KCNQ5: variants seen among roughly 807,000 people sequenced by gnomAD.
The protein encoded by KCNQ5 is potassium voltage-gated channel subfamily KQT member 5.
KCNQ5 carries 30 observed loss-of-function variants against 98.2 expected under a neutral mutation model. The ratio of observed to expected loss-of-function variants is 0.31; its 90% confidence interval spans 0.23 to 0.41. KCNQ5 has a LOEUF of 0.41. Among genes scored for constraint, KCNQ5 ranks in the 10% least tolerant of loss-of-function variants. The pLI is 1.00. For synonymous variants in KCNQ5, 458 were observed against 449.4 expected, an observed-to-expected ratio of 1.02 and a Z score of -0.24; for missense variants, 835 against 1,182.5, an observed-to-expected ratio of 0.71 and a Z score of 4.31.
At chr6:73,063,664 AGAT>A (rs1403297402) in intron 3 of KCNQ5, among the ~76,000 whole-genome samples, 641 of 57,354 alleles carry the variant, frequency 0.011, 12 homozygotes, top group African/African-American at 0.02. Flanking sequence ...ATAGATAGAT[AGAT>A]GATAGATAGA....
intron 1 of KCNQ5, among the ~76,000 whole-genome samples, chr6:72,999,148 A>C (rs1011044342): frequency 2.0e-5 from 3 of 152,218 alleles, no homozygotes; most frequent in Admixed American, 2.0e-4. Context: ...TAGTTCTGGA[A>C]GCTAGACATT....
intron 11 of KCNQ5, among the ~76,000 whole-genome samples, chr6:73,171,519 A>G (rs1347671600): frequency 6.6e-6 from 1 of 152,218 alleles, no homozygotes. Flanking sequence ...ACTGTCCAAT[A>G]TGATAACCAC....
chr6:72,984,272 A>C (rs1768630760), intron 1 of KCNQ5, among the ~76,000 whole-genome samples: 1 of 152,190 alleles, frequency 6.6e-6, no homozygotes, highest in South Asian at 2.1e-4. Flanking sequence ...TTAAATCTGC[A>C]GTGGTTTCTG....
At chr6:72,910,550 G>A (rs1779891170) in intron 1 of KCNQ5, among the ~76,000 whole-genome samples, 2 of 141,706 alleles carry the variant, frequency 1.4e-5, no homozygotes, top group South Asian at 2.4e-4. Flanking sequence ...CTTATAGAAT[G>A]GAAAGGTAGG....
intron 1 of KCNQ5, among the ~76,000 whole-genome samples, chr6:72,952,366 C>A (rs569162487): frequency 2.6e-5 from 4 of 152,238 alleles, no homozygotes; most frequent in African/African-American, 9.6e-5. Context: ...TCAAATTTTG[C>A]ATCCTTGAAA....
intron 1 of KCNQ5, among the ~76,000 whole-genome samples, chr6:72,760,827 T>C (rs1300538042): frequency 6.6e-6 from 1 of 152,146 alleles, no homozygotes; most frequent in Non-Finnish European, 1.5e-5. Context: ...GTAGTGTCTG[T>C]ACTTAATAAA....
chr6:73,152,884 G>A (rs566819527), intron 10 of KCNQ5, among the ~76,000 whole-genome samples: 12 of 152,252 alleles, frequency 7.9e-5, no homozygotes, highest in East Asian at 3.9e-4. Context: ...TTACGATAAC[G>A]AGCAGGTTGT....
intron 1 of KCNQ5, among the ~76,000 whole-genome samples, chr6:72,659,619 G>A (rs933701574): frequency 7.2e-5 from 11 of 152,132 alleles, no homozygotes; most frequent in African/African-American, 2.7e-4. Flanking sequence ...GTGTCCTCAC[G>A]TGGAAGAAGG....
intron 1 of KCNQ5, among the ~76,000 whole-genome samples, chr6:72,669,013 C>T (rs1233465495): frequency 2.0e-5 from 3 of 152,072 alleles, no homozygotes; most frequent in Non-Finnish European, 2.9e-5. Flanking sequence ...TAGTCTGTGA[C>T]ATTCCACCCC....
chr6:72,856,900 T>C (rs1777557149), intron 1 of KCNQ5, among the ~76,000 whole-genome samples: 1 of 152,128 alleles, frequency 6.6e-6, no homozygotes, highest in Non-Finnish European at 1.5e-5. Flanking sequence ...CCCTCCCCCG[T>C]GGGGCTGGAG....
At chr6:72,628,871 C>G (rs552526008) in intron 1 of KCNQ5, among the ~76,000 whole-genome samples, 1 of 152,124 alleles carries the variant, frequency 6.6e-6, no homozygotes, top group Non-Finnish European at 1.5e-5. Flanking sequence ...CCTCAGCCTC[C>G]CAAAGTGCTG....
chr6:73,063,311 A>G (rs1218775279), intron 3 of KCNQ5, among the ~76,000 whole-genome samples: 3 of 152,200 alleles, frequency 2.0e-5, no homozygotes, highest in Non-Finnish European at 4.4e-5. Context: ...AGGATTTGTT[A>G]TAAGACAATG....
At chr6:72,781,482 A>T (rs1180257506) in intron 1 of KCNQ5, among the ~76,000 whole-genome samples, 3 of 152,138 alleles carry the variant, frequency 2.0e-5, no homozygotes, top group Non-Finnish European at 4.4e-5. Flanking sequence ...TATGTTTATA[A>T]CTGTGTGGAT....
In KCNQ5 at chr6:72,944,530, A is replaced by G. The variant is rs148787642; in HGVS notation, c.399-59378A>G. On this transcript the variant is annotated intron_variant, in intron 1 of 13. Transcript: ENST00000370398. ...CACACAAGTTACCTCCTAGTGAATC[A>G]TTTTGTCATTAACTGAATTCAAACT... Among the ~76,000 whole-genome samples the G allele has an allele frequency of 3.7e-4, 56 of 152,352 alleles. 1 individual carries two copies. Among genetic ancestry groups the G allele is most frequent in the African/African-American group, 1.3e-3 (56 of 41,590 alleles).
At chr6:72,840,892 T>A (rs781306534) in intron 1 of KCNQ5, among the ~76,000 whole-genome samples, 15 of 152,314 alleles carry the variant, frequency 9.8e-5, no homozygotes, top group Non-Finnish European at 1.8e-4. Context: ...GTTAAGCTTA[T>A]GGATGGTTGT....
chr6:73,176,514 G>C (rs1304582067), intron 11 of KCNQ5, among the ~76,000 whole-genome samples: 1 of 152,182 alleles, frequency 6.6e-6, no homozygotes, highest in Admixed American at 6.5e-5. Flanking sequence ...TGCAAGAATG[G>C]ACTAACGCAG....
intron 1 of KCNQ5, among the ~76,000 whole-genome samples, chr6:72,982,814 G>C (rs1768536858): frequency 6.6e-6 from 1 of 152,176 alleles, no homozygotes; most frequent in Non-Finnish European, 1.5e-5. Flanking sequence ...GGTACCGGTT[G>C]TTGCTTTCCA....
rs1184522101 is a variant in KCNQ5 at position 72,939,246 on chromosome 6, C to T, written c.399-64662C>T. ...CTCAGGGACACTAGCTGGCAGGGCTCCCGGGTCATCACAAAGCAAGCAGGA... is the reference window on the plus strand; with the variant it reads ...CTCAGGGACACTAGCTGGCAGGGCTTCCGGGTCATCACAAAGCAAGCAGGA... On this transcript the variant is annotated intron_variant, in intron 1 of 13. Transcript: ENST00000370398. Among the ~76,000 whole-genome samples the T allele has an allele frequency of 3.3e-5, 5 of 152,192 alleles. No homozygotes were observed. The South Asian group carries it at 1.0e-3, about 32-fold the overall frequency.
chr6:72,622,738 G>T lies in KCNQ5; in HGVS notation c.398+151G>T. 1 of 766,674 alleles carries T rather than the reference G, an allele frequency of 1.3e-6. No individual in the cohort carries two copies. 47.5% of individuals were successfully genotyped at this position (766,674 alleles called of 1,614,324 possible). ...CGCACGTGTTCGTGGTCTTCCTTCT[G>T]GAGCCTCTCCCCTCCCCCAGCCCCA... On this transcript the variant is annotated intron_variant, in intron 1 of 13. Coordinates refer to ENST00000370398, the MANE Select transcript of KCNQ5 (RefSeq NM_019842.4). The surrounding 1 kb of genome is among the most constrained non-coding windows in gnomAD (Gnocchi z 6.0).
Sources: gnomAD v4.1 joint callset for allele counts (sites outside exome capture counted in the v4.1 genomes callset) on GRCh38, gnomAD v4.1.1 for gene constraint, Gnocchi (gnomAD v3.1) non-coding constraint, MANE v1.5 for transcripts, NCBI Gene and HGNC (gene_info 2026-07-23, HGNC 2026-07-21) for gene names.